GRM7: variants seen among roughly 807,000 people sequenced by gnomAD.
GRM7 encodes the protein glutamate metabotropic receptor 7.
A neutral mutation model predicts 84.5 loss-of-function variants in GRM7; 35 were observed. That is an observed-to-expected ratio of 0.41 (90% CI 0.32 to 0.55). The LOEUF (loss-of-function observed/expected upper bound fraction) is 0.55, where lower values mean the gene tolerates loss of function less well. Among genes scored for constraint, GRM7 ranks in the 20% least tolerant of loss-of-function variants. The pLI is 0.19. For missense variants in GRM7, 1,003 were observed against 1,194.6 expected, an observed-to-expected ratio of 0.84 and a Z score of 2.36; for synonymous variants, 487 against 455.1, an observed-to-expected ratio of 1.07 and a Z score of -0.89.
intron 1 of GRM7, among the ~76,000 whole-genome samples, chr3:7,020,365 G>A (rs939716863): frequency 5.9e-5 from 9 of 152,156 alleles, no homozygotes; most frequent in African/African-American, 2.2e-4. Context: ...AGAGAGGGAT[G>A]AATAGGCAGA....
intron 8 of GRM7, among the ~76,000 whole-genome samples, chr3:7,584,890 A>T (rs2324206): frequency 0.99 from 151,020 of 152,338 alleles, 74,861 homozygotes; most frequent in East Asian, 1. Context: ...TATTTAATCT[A>T]TTTTATCAAC....
intron 1 of GRM7, among the ~76,000 whole-genome samples, chr3:6,889,246 T>C (rs1322307695): frequency 6.6e-6 from 1 of 152,144 alleles, no homozygotes; most frequent in Non-Finnish European, 1.5e-5. Context: ...CTGATTGACC[T>C]GGCCAGAACT....
chr3:7,067,290 G>A (rs183980971), intron 1 of GRM7, among the ~76,000 whole-genome samples: 1 of 151,992 alleles, frequency 6.6e-6, no homozygotes, highest in Non-Finnish European at 1.5e-5. Flanking sequence ...CCTCCAGAAA[G>A]CTCCTAGAAC....
chr3:7,716,746 C>G (rs956300581), intron 9 of GRM7, among the ~76,000 whole-genome samples: 2 of 152,154 alleles, frequency 1.3e-5, no homozygotes, highest in African/African-American at 4.8e-5. Context: ...GCTGTATTTA[C>G]AGGACATCAG....
Position 7,199,629 on chromosome 3 carries a change from A to C in GRM7, c.736+52961A>C, listed in dbSNP as rs1229254876. Among the ~76,000 whole-genome samples, 3 of 152,166 alleles carry C rather than the reference A, an allele frequency of 2.0e-5. No homozygotes were observed. The East Asian group carries it at 5.8e-4, about 29-fold the overall frequency. On this transcript the variant is annotated intron_variant, in intron 2 of 9. Transcript: ENST00000357716. Reference sequence around the variant, plus strand: ...ACATTTTAAATTGTCACTACTGTAGAGGCTTCCACTGGCATCTAGTTGGGA... The same window carrying C: ...ACATTTTAAATTGTCACTACTGTAGCGGCTTCCACTGGCATCTAGTTGGGA...
At chr3:7,563,830 C>A (rs577304814) in intron 7 of GRM7, among the ~76,000 whole-genome samples, 2 of 152,150 alleles carry the variant, frequency 1.3e-5, no homozygotes, top group African/African-American at 4.8e-5. Flanking sequence ...CAAGAAGGTA[C>A]TCTGTCAACT....
chr3:7,154,623 G>A (rs947096107), intron 2 of GRM7, among the ~76,000 whole-genome samples: 3 of 152,100 alleles, frequency 2.0e-5, no homozygotes, highest in African/African-American at 7.2e-5. Flanking sequence ...AAGATGCAGT[G>A]TAAGGAAACA....
chr3:6,865,591 G>T (rs867695492), intron 1 of GRM7, among the ~76,000 whole-genome samples: 1 of 151,604 alleles, frequency 6.6e-6, no homozygotes, highest in South Asian at 2.1e-4. Context: ...TGGAAAAAGC[G>T]GTCAACTCTA....
intron 1 of GRM7, among the ~76,000 whole-genome samples, chr3:7,060,414 A>G (rs745638288): frequency 2.6e-5 from 4 of 151,774 alleles, no homozygotes; most frequent in Admixed American, 6.6e-5. Context: ...ACACCATTGT[A>G]GGAACAAGAT....
intron 1 of GRM7, among the ~76,000 whole-genome samples, chr3:7,047,441 T>C (rs1016299794): frequency 2.6e-5 from 4 of 152,058 alleles, no homozygotes; most frequent in Non-Finnish European, 5.9e-5. Flanking sequence ...AATGGAGTCG[T>C]ATAGTCCAAC....
intron 4 of GRM7, among the ~76,000 whole-genome samples, chr3:7,404,342 A>G (rs1458209844): frequency 1.3e-5 from 2 of 152,150 alleles, no homozygotes; most frequent in Non-Finnish European, 2.9e-5. Context: ...TCACTTGGGA[A>G]TTCCCTGGTA....
chr3:6,873,845 C>T (rs1452751451), intron 1 of GRM7, among the ~76,000 whole-genome samples: 3 of 152,110 alleles, frequency 2.0e-5, no homozygotes, highest in Non-Finnish European at 2.9e-5. Context: ...TGAAACAATC[C>T]CTGGTTGAAG....
intron 4 of GRM7, among the ~76,000 whole-genome samples, chr3:7,322,529 G>A (rs1470206785): frequency 4.0e-5 from 6 of 151,836 alleles, no homozygotes; most frequent in African/African-American, 1.2e-4. Context: ...TGTACCTAAT[G>A]TGTATTCTTT....
chr3:6,958,905 C>T (rs928894210), intron 1 of GRM7, among the ~76,000 whole-genome samples: 8 of 152,048 alleles, frequency 5.3e-5, no homozygotes, highest in African/African-American at 1.9e-4. Flanking sequence ...TAAGTGAAAG[C>T]ATATACCACA....
chr3:7,375,617 C>T (rs969821965), intron 4 of GRM7, among the ~76,000 whole-genome samples: 5 of 152,120 alleles, frequency 3.3e-5, no homozygotes, highest in African/African-American at 4.8e-5. Flanking sequence ...TCTTTCTCAC[C>T]TCCATGGGCT....
At chr3:7,568,631 G>A (rs966957020) in intron 7 of GRM7, among the ~76,000 whole-genome samples, 14 of 152,324 alleles carry the variant, frequency 9.2e-5, no homozygotes, top group African/African-American at 2.9e-4. Flanking sequence ...GGCTGCCCCC[G>A]GCGCTTGCGG....
In GRM7 at chr3:7,441,259, A is replaced by G. The variant is rs575740229; in HGVS notation, c.1175-11348A>G. Among the ~76,000 whole-genome samples, 159 of 151,792 alleles carry G rather than the reference A, an allele frequency of 1.0e-3. 1 individual carries two copies. Among genetic ancestry groups the G allele is most frequent in the Non-Finnish European group, 1.8e-3 (121 of 67,934 alleles). ...ATTAGTGATGTTGAGCATTTTTTTCATGTGTTTTGGTCATGAATATGTCTT... is the reference window on the plus strand; with the variant it reads ...ATTAGTGATGTTGAGCATTTTTTTCGTGTGTTTTGGTCATGAATATGTCTT... On this transcript the variant is annotated intron_variant, in intron 5 of 9. Transcript: ENST00000357716.
chr3:7,523,805 G>C (rs1700688709), intron 7 of GRM7, among the ~76,000 whole-genome samples: 1 of 152,110 alleles, frequency 6.6e-6, no homozygotes, highest in South Asian at 2.1e-4. Flanking sequence ...ATTAAGGACA[G>C]ATATGGAAAT....
chr3:7,411,140 A>G (rs1191330930), intron 4 of GRM7, among the ~76,000 whole-genome samples: 7 of 152,090 alleles, frequency 4.6e-5, no homozygotes, highest in African/African-American at 1.7e-4. Context: ...TTGTCATTGG[A>G]TTTACAGCCC....
Sources: gnomAD v4.1 joint callset for allele counts (sites outside exome capture counted in the v4.1 genomes callset) on GRCh38, gnomAD v4.1.1 for gene constraint, MANE v1.5 for transcripts, NCBI Gene and HGNC (gene_info 2026-07-23, HGNC 2026-07-21) for gene names.